Variants in ITGA11 observed in about 807,000 individuals in gnomAD.
The protein encoded by ITGA11 is integrin alpha-11.
ITGA11 carries 97 observed loss-of-function variants against 141.9 expected under a neutral mutation model. That is an observed-to-expected ratio of 0.68 (90% CI 0.58 to 0.81). The LOEUF is 0.81. Ranked by LOEUF, ITGA11 falls within the 30% of genes least tolerant of loss-of-function variation. ITGA11 has a pLI of 0.00. For missense variants in ITGA11, 1,387 were observed against 1,559.2 expected (o/e 0.89, Z 1.86); for synonymous variants, 658 against 624.6 (o/e 1.05, Z -0.80).
intron 1 of ITGA11, among the ~76,000 whole-genome samples, chr15:68,423,258 G>A (rs1440164327): frequency 6.6e-6 from 1 of 152,108 alleles, no homozygotes; most frequent in African/African-American, 2.4e-5. Context: ...TGTATGGCGG[G>A]GGAAGTACAG....
In ITGA11 at chr15:68,307,067, G is replaced by A. The variant is rs1054287320; in HGVS notation, c.3381+281C>T. Among the ~76,000 whole-genome samples, 5 of 152,214 alleles carry A rather than the reference G, an allele frequency of 3.3e-5. No homozygotes were observed. Among genetic ancestry groups the A allele is most frequent in the African/African-American group, 4.8e-5 (2 of 41,532 alleles). On this transcript the variant is annotated intron_variant, in intron 28 of 29. Coordinates refer to ENST00000315757, the MANE Select transcript of ITGA11 (RefSeq NM_001004439.2). This position sits in a 1 kb window ranked among gnomAD's most constrained non-coding sequence, Gnocchi z 6.1. ...GTAATCTGTAACAATCTGCTTTTAC[G>A]CAACTAACAGAGGCTGATACCGAGG...
At chr15:68,411,726 G>A (rs1264869470) in intron 1 of ITGA11, among the ~76,000 whole-genome samples, 1 of 152,154 alleles carries the variant, frequency 6.6e-6, no homozygotes, top group Non-Finnish European at 1.5e-5. Flanking sequence ...TGTAATTCCT[G>A]CCTCTAAAAG....
Position 68,351,240 on chromosome 15 carries a change from G to C in ITGA11, c.894+18C>G, listed in dbSNP as rs1413800963. ...CTCTCAGAGGCCATCAGCAGCCCTTGGGCGGGCCAGGACTTACGGCCACCG... is the reference window on the plus strand; with the variant it reads ...CTCTCAGAGGCCATCAGCAGCCCTTCGGCGGGCCAGGACTTACGGCCACCG... On this transcript the variant is annotated intron_variant, in intron 8 of 29. Coordinates refer to ENST00000315757, the MANE Select transcript of ITGA11 (RefSeq NM_001004439.2). 3 of 1,613,104 alleles carry C rather than the reference G, an allele frequency of 1.9e-6. No individual in the cohort carries two copies. The highest frequency in any genetic ancestry group is 1.7e-6 in the Non-Finnish European group (2 of 1,179,536).
intron 1 of ITGA11, among the ~76,000 whole-genome samples, chr15:68,424,811 G>C (rs943158733): frequency 3.9e-5 from 6 of 152,250 alleles, no homozygotes; most frequent in Non-Finnish European, 8.8e-5. Flanking sequence ...AGAGCCCAAT[G>C]TTGAAGATGC....
At chr15:68,421,448 C>T (rs77837478) in intron 1 of ITGA11, among the ~76,000 whole-genome samples, 1,589 of 152,140 alleles carry the variant, frequency 0.01, 29 homozygotes, top group African/African-American at 0.035. Context: ...GGGTTTGGAG[C>T]GGAGCAGGGA....
intron 1 of ITGA11, among the ~76,000 whole-genome samples, chr15:68,421,500 C>T (rs1437458226): frequency 1.3e-5 from 2 of 152,154 alleles, no homozygotes; most frequent in Non-Finnish European, 2.9e-5. Flanking sequence ...AGTCCTCTGG[C>T]TGCTGGGTGG....
intron 2 of ITGA11, among the ~76,000 whole-genome samples, chr15:68,374,433 G>T (rs1444693006): frequency 6.6e-6 from 1 of 152,206 alleles, no homozygotes; most frequent in African/African-American, 2.4e-5. Context: ...TCAAATGTGG[G>T]ATCCAAGGCC....
At chr15:68,426,312 A>G (rs1210717213) in intron 1 of ITGA11, among the ~76,000 whole-genome samples, 1 of 152,214 alleles carries the variant, frequency 6.6e-6, no homozygotes, top group South Asian at 2.1e-4. Context: ...GGTTCTGATT[A>G]GCGGAATGGG....
In ITGA11 at chr15:68,335,714, C is replaced by G. The variant is rs1462627984; in HGVS notation, c.1408G>C (p.Ala470Pro). ...HNNRSLTIHQ[A>P]MRGQQIGSYF... ...TCCATTACCTGCTGGCCCCGCATAG[C>G]CTGGTGGATGGTGAGGCTCCGGTTG... The change falls in exon 12 of 30, where the codon GCT becomes CCT. Residue 470 changes from alanine (A) to proline (P), a missense_variant. Physicochemically the swap from Ala to Pro is conservative, Grantham distance 27. Transcript: ENST00000315757. The surrounding 1 kb of genome is among the most constrained non-coding windows in gnomAD (Gnocchi z 4.9). 6.2e-7 allele frequency: 1 copy of G among 1,613,802 alleles called. No individual in the cohort carries two copies. Among genetic ancestry groups the G allele is most frequent in the Non-Finnish European group, 8.5e-7 (1 of 1,179,810 alleles).
At chr15:68,431,065 T>C (rs1312720033) in intron 1 of ITGA11, among the ~76,000 whole-genome samples, 4 of 152,250 alleles carry the variant, frequency 2.6e-5, no homozygotes, top group African/African-American at 9.6e-5. Flanking sequence ...CGCTGGCCCT[T>C]GCCGGAGCAC....
chr15:68,339,138 C>G (rs952550292), intron 11 of ITGA11, among the ~76,000 whole-genome samples: 29 of 152,342 alleles, frequency 1.9e-4, no homozygotes, highest in African/African-American at 6.3e-4. Context: ...TGCGTTTTGC[C>G]TTTGGGAGGC....
rs1008142684 is a variant in ITGA11, at chr15:68,375,563, C to T, written c.165-6279G>A. Among the ~76,000 whole-genome samples the T allele has an allele frequency of 2.0e-5, 3 of 152,284 alleles. No individual in the cohort carries two copies. The South Asian group carries it at 6.2e-4, about 32-fold the overall frequency. ...GGACCTGCCCAAGGGGAGAAGTTGGCACCTGCAGGTCTTCCTGGACTGACT... is the reference window on the plus strand; with the variant it reads ...GGACCTGCCCAAGGGGAGAAGTTGGTACCTGCAGGTCTTCCTGGACTGACT... On this transcript the variant is annotated intron_variant, in intron 2 of 29. Coordinates refer to ENST00000315757, the MANE Select transcript of ITGA11 (RefSeq NM_001004439.2).
At chr15:68,421,194 T>TA (rs1405487927) in intron 1 of ITGA11, among the ~76,000 whole-genome samples, 4 of 9,192 alleles carry the variant, frequency 4.4e-4, no homozygotes, top group East Asian at 2.5e-3. Context: ...CTTCCTCAGG[T>TA]GGGAGGGGGA....
chr15:68,372,466 G>T (rs183171603), intron 2 of ITGA11, among the ~76,000 whole-genome samples: 1 of 152,302 alleles, frequency 6.6e-6, no homozygotes, highest in East Asian at 1.9e-4. Context: ...GCGAGCATCC[G>T]GCCCTTTCCA....
chr15:68,364,889 C>T, intron 3 of ITGA11, 91 bp from the exon 4 acceptor site: 1 of 1,223,940 alleles, frequency 8.2e-7, no homozygotes, highest in Non-Finnish European at 1.2e-6. Context: ...GAGGTGCCTC[C>T]CCGATTCTCC....
intron 10 of ITGA11, among the ~76,000 whole-genome samples, chr15:68,345,164 C>A (rs770517520): frequency 1.4e-4 from 21 of 152,126 alleles, no homozygotes; most frequent in Non-Finnish European, 2.6e-4. Context: ...ACAGCCAGCA[C>A]TAATGGAAGC....
intron 2 of ITGA11, among the ~76,000 whole-genome samples, chr15:68,380,323 C>A (rs561097985): frequency 6.6e-6 from 1 of 152,284 alleles, no homozygotes; most frequent in Non-Finnish European, 1.5e-5. Flanking sequence ...GGCTAAGTGA[C>A]CCACGGTGAG....
At chr15:68,312,942 G>T in intron 23 of ITGA11, 79 bp from the exon 24 acceptor site, 2 of 1,046,026 alleles carry the variant, frequency 1.9e-6, no homozygotes, top group Non-Finnish European at 2.9e-6. Flanking sequence ...GAGGGAGAGG[G>T]CATGTGCCGG....
Position 68,311,378 on chromosome 15 carries a change from A to G in ITGA11, c.2999T>C (p.Ile1000Thr). The change falls in exon 25 of 30, where the codon ATC becomes ACC. Residue 1000 changes from isoleucine (I) to threonine (T), a missense_variant. Transcript: ENST00000315757. ...GGTGATCTTCATCATCATCCCGTGG[A>G]TGGGGAACAAGCCCAAGTTCTGGAT... ...FRIQNLGLFP[I>T]HGMMMKITIP... 6.4e-7 allele frequency: 1 copy of G among 1,567,764 alleles called. No homozygotes were observed. The highest frequency in any genetic ancestry group is 8.7e-7 in the Non-Finnish European group (1 of 1,155,102).
Sources: gnomAD v4.1 joint callset for allele counts (sites outside exome capture counted in the v4.1 genomes callset) on GRCh38, gnomAD v4.1.1 for gene constraint, Gnocchi (gnomAD v3.1) non-coding constraint, MANE v1.5 for transcripts, NCBI Gene and HGNC (gene_info 2026-07-23, HGNC 2026-07-21) for gene names.